The following CNTNAP2 variants were observed in gnomAD, a reference collection of about 807,000 sequenced individuals.
CNTNAP2 encodes contactin associated protein 2.
In CNTNAP2, 98 loss-of-function variants were observed where a neutral mutation model predicts 155.2. The ratio of observed to expected loss-of-function variants is 0.63; its 90% CI spans 0.54 to 0.75. The LOEUF (loss-of-function observed/expected upper bound fraction) is 0.75. CNTNAP2 is among the 30% of genes least tolerant of loss of function. The pLI, the probability that CNTNAP2 is intolerant of heterozygous loss-of-function variation, is 0.00. For missense variants in CNTNAP2, 1,727 were observed against 1,688.1 expected (o/e 1.02, Z -0.40); for synonymous variants, 651 against 631.2 (o/e 1.03, Z -0.47).
chr7:148,328,833 G>A (rs113894404), intron 21 of CNTNAP2, among the ~76,000 whole-genome samples: 7,052 of 151,748 alleles, frequency 0.046, 558 homozygotes, highest in African/African-American at 0.16. Context: ...AAAATTAGCC[G>A]GGCATGGTGG....
chr7:148,013,544 T>C (rs1585077623), intron 15 of CNTNAP2, among the ~76,000 whole-genome samples: 1 of 152,144 alleles, frequency 6.6e-6, no homozygotes, highest in East Asian at 1.9e-4. Flanking sequence ...GAAGAAAAAA[T>C]ACAACACTTT....
At chr7:147,959,714 C>A (rs1008736297) in intron 14 of CNTNAP2, among the ~76,000 whole-genome samples, 2 of 152,048 alleles carry the variant, frequency 1.3e-5, no homozygotes, top group African/African-American at 4.8e-5. Flanking sequence ...GTGGTAACCC[C>A]CAGGTGTTGC....
chr7:147,398,405 G>A (rs201089451), intron 10 of CNTNAP2, among the ~76,000 whole-genome samples: 21 of 146,328 alleles, frequency 1.4e-4, no homozygotes, highest in African/African-American at 2.0e-4. Flanking sequence ...TTGAGAGGGA[G>A]AAAAAAAAAA....
intron 13 of CNTNAP2, among the ~76,000 whole-genome samples, chr7:147,733,781 A>G (rs963284032): frequency 3.9e-5 from 6 of 152,130 alleles, no homozygotes; most frequent in African/African-American, 9.7e-5. Context: ...CTTTGAAGCA[A>G]TTGTGAATGG....
At chr7:146,521,415 T>C (rs1797615131) in intron 1 of CNTNAP2, among the ~76,000 whole-genome samples, 1 of 152,034 alleles carries the variant, frequency 6.6e-6, no homozygotes, top group Non-Finnish European at 1.5e-5. Context: ...AGCCGATTTT[T>C]TTGTACCAGA....
At chr7:147,763,183 C>A (rs7799501) in intron 13 of CNTNAP2, among the ~76,000 whole-genome samples, 1 of 150,898 alleles carries the variant, frequency 6.6e-6, no homozygotes, top group Non-Finnish European at 1.5e-5. Flanking sequence ...CACTTGAACC[C>A]GGGAGGCGGA....
At chr7:146,170,126 A>C (rs1347233191) in intron 1 of CNTNAP2, among the ~76,000 whole-genome samples, 1 of 150,410 alleles carries the variant, frequency 6.6e-6, no homozygotes, top group Non-Finnish European at 1.5e-5. Context: ...TCCTGGGTTC[A>C]AGCAATTCTC....
intron 11 of CNTNAP2, among the ~76,000 whole-genome samples, chr7:147,534,216 G>T (rs994022526): frequency 6.6e-5 from 10 of 152,114 alleles, no homozygotes; most frequent in Non-Finnish European, 1.3e-4. Context: ...AATGGGAGAG[G>T]CCAGTAACGC....
intron 13 of CNTNAP2, among the ~76,000 whole-genome samples, chr7:147,742,498 G>A (rs1040463833): frequency 6.6e-6 from 1 of 152,170 alleles, no homozygotes; most frequent in Non-Finnish European, 1.5e-5. Context: ...AAGTGTCAGA[G>A]CATATGTTGT....
chr7:147,338,530 T>C (rs1275574198), intron 9 of CNTNAP2, among the ~76,000 whole-genome samples: 1 of 152,028 alleles, frequency 6.6e-6, no homozygotes, highest in Non-Finnish European at 1.5e-5. Flanking sequence ...AGAGAAGTGG[T>C]TTTGTCACAG....
intron 3 of CNTNAP2, among the ~76,000 whole-genome samples, chr7:146,986,196 T>C (rs1798112216): frequency 6.6e-6 from 1 of 152,152 alleles, no homozygotes; most frequent in East Asian, 1.9e-4. Flanking sequence ...GTTGTGTCAT[T>C]CTATGCCTTT....
At chr7:147,957,295 G>A (rs1366965555) in intron 14 of CNTNAP2, among the ~76,000 whole-genome samples, 1 of 152,134 alleles carries the variant, frequency 6.6e-6, no homozygotes, top group African/African-American at 2.4e-5. Flanking sequence ...GTTTCTCAAA[G>A]ATGTGATAAT....
chr7:148,031,940 G>A (rs1055440382), intron 15 of CNTNAP2, among the ~76,000 whole-genome samples: 1 of 152,116 alleles, frequency 6.6e-6, no homozygotes, highest in Non-Finnish European at 1.5e-5. Flanking sequence ...TATCTACTTA[G>A]GGAAGATCAT....
chr7:148,218,295 T>C (rs991387752), intron 19 of CNTNAP2, among the ~76,000 whole-genome samples: 13 of 152,240 alleles, frequency 8.5e-5, no homozygotes, highest in African/African-American at 1.7e-4. Context: ...GAACTTTCAA[T>C]AGGAGTAGAA....
chr7:146,636,728 A>T (rs1262923262), intron 1 of CNTNAP2, among the ~76,000 whole-genome samples: 1 of 152,242 alleles, frequency 6.6e-6, no homozygotes, highest in Non-Finnish European at 1.5e-5. Flanking sequence ...ATACACACAG[A>T]TCACTCTGGT....
chr7:146,659,204 G>A (rs1214308023), intron 1 of CNTNAP2, among the ~76,000 whole-genome samples: 3 of 152,210 alleles, frequency 2.0e-5, no homozygotes, highest in African/African-American at 7.2e-5. Flanking sequence ...TTATGGGAAT[G>A]TTAGAAGGTT....
chr7:147,993,098 C>T lies in CNTNAP2; in HGVS notation c.2383+15109C>T, dbSNP rs28394241. ...AGATGATAATGTAACCAGTTCACGA[C>T]GTCAGGATTGCTATGAGAGAACCCC... On this transcript the variant is annotated intron_variant, in intron 15 of 23. Transcript: ENST00000361727. Among the ~76,000 whole-genome samples the T allele has an allele frequency of 1.3e-4, 20 of 152,244 alleles. 1 individual carries two copies. In the South Asian group the frequency reaches 3.7e-3, roughly 28 times the overall value.
chr7:146,975,614 A>G (rs1437985616), intron 3 of CNTNAP2, among the ~76,000 whole-genome samples: 2 of 152,174 alleles, frequency 1.3e-5, no homozygotes, highest in Non-Finnish European at 1.5e-5. Context: ...TCTAAGGGAA[A>G]CTAAGATGTT....
chr7:146,483,657 T>G (rs1055594631), intron 1 of CNTNAP2, among the ~76,000 whole-genome samples: 1 of 151,410 alleles, frequency 6.6e-6, no homozygotes, highest in Non-Finnish European at 1.5e-5. Flanking sequence ...ACCAGGTAAA[T>G]GTATGTCTTA....
Sources: allele counts gnomAD v4.1 joint callset (sites outside exome capture counted in the v4.1 genomes callset), GRCh38; gene constraint gnomAD v4.1.1; transcripts MANE v1.5; gene names NCBI Gene and HGNC (gene_info 2026-07-23, HGNC 2026-07-21).